RAB5A: variants seen among roughly 807,000 people sequenced by gnomAD.
RAB5A encodes RAB5A, member RAS oncogene family.
RAB5A carries 8 observed loss-of-function variants against 25.7 expected under a neutral mutation model. The ratio of observed to expected loss-of-function variants is 0.31; its 90% confidence interval spans 0.18 to 0.56. The LOEUF is 0.56. RAB5A is among the 20% of genes least tolerant of loss of function. The pLI, the probability that RAB5A is intolerant of heterozygous loss-of-function variation, is 0.91. For missense variants in RAB5A, 192 were observed against 259.7 expected (o/e 0.74, Z 1.79); for synonymous variants, 98 against 89.8 (o/e 1.09, Z -0.52).
intron 2 of RAB5A, among the ~76,000 whole-genome samples, chr3:19,969,356 T>G (rs2125188292): frequency 6.6e-6 from 1 of 152,286 alleles, no homozygotes. Context: ...TTTTTATTTT[T>G]TCATTATGCT....
At chr3:19,982,982 A>AG (rs1696960434) in intron 5 of RAB5A, among the ~76,000 whole-genome samples, 1 of 152,126 alleles carries the variant, frequency 6.6e-6, no homozygotes, top group Non-Finnish European at 1.5e-5. Flanking sequence ...ATATGAGCTG[A>AG]GCTTCTTTAT....
At chr3:19,974,783 T>G (rs928725657) in intron 2 of RAB5A, among the ~76,000 whole-genome samples, 5 of 151,608 alleles carry the variant, frequency 3.3e-5, no homozygotes, top group Admixed American at 2.6e-4. Flanking sequence ...TGACTGGGAC[T>G]AAATTGCCAG....
intron 2 of RAB5A, among the ~76,000 whole-genome samples, chr3:19,963,089 A>C (rs892024455): frequency 6.6e-6 from 1 of 152,126 alleles, no homozygotes; most frequent in Non-Finnish European, 1.5e-5. Context: ...GATTAAAGGC[A>C]TGAGCCACCA....
intron 2 of RAB5A, among the ~76,000 whole-genome samples, chr3:19,971,405 G>T (rs1033963421): frequency 8.6e-5 from 6 of 69,622 alleles, no homozygotes; most frequent in Non-Finnish European, 2.2e-4. Context: ...TCTAATGTTG[G>T]TCTTTTCTCC....
chr3:19,973,304 TGAATGTTTTTAGTACTAGTA>T (rs1273051377), intron 2 of RAB5A, among the ~76,000 whole-genome samples: 1 of 152,066 alleles, frequency 6.6e-6, no homozygotes, highest in African/African-American at 2.4e-5. Flanking sequence ...GACGTATAAG[TGAATGTTTTTAGTACTAGTA>T]GACTTTGTGA....
chr3:19,958,458 G>C (rs1255752287), intron 2 of RAB5A, among the ~76,000 whole-genome samples: 1 of 152,196 alleles, frequency 6.6e-6, no homozygotes, highest in Non-Finnish European at 1.5e-5. Flanking sequence ...CTGGGAGTCA[G>C]TATGCATGGT....
At chr3:19,952,160 C>G (rs1696433745) in intron 2 of RAB5A, among the ~76,000 whole-genome samples, 1 of 152,058 alleles carries the variant, frequency 6.6e-6, no homozygotes, top group South Asian at 2.1e-4. Context: ...GCCTGGGCAA[C>G]ATAATGAGAA....
chr3:19,966,363 C>T (rs978227149), intron 2 of RAB5A, among the ~76,000 whole-genome samples: 1 of 152,210 alleles, frequency 6.6e-6, no homozygotes, highest in African/African-American at 2.4e-5. Flanking sequence ...AAGCAAGTGC[C>T]AGAATTTTCC....
intron 2 of RAB5A, among the ~76,000 whole-genome samples, chr3:19,960,515 G>T (rs1289403906): frequency 6.6e-6 from 1 of 152,134 alleles, no homozygotes; most frequent in Non-Finnish European, 1.5e-5. Flanking sequence ...TTCCCAGGCT[G>T]GTCGCGAACT....
At chr3:19,964,694 A>G (rs1696636041) in intron 2 of RAB5A, among the ~76,000 whole-genome samples, 1 of 151,998 alleles carries the variant, frequency 6.6e-6, no homozygotes, top group Admixed American at 6.6e-5. Context: ...GCTCACTGCA[A>G]CCTCTGCCTC....
intron 2 of RAB5A, among the ~76,000 whole-genome samples, chr3:19,971,455 C>CGGTGGT (rs563319679): frequency 6.6e-5 from 10 of 151,636 alleles, no homozygotes; most frequent in Admixed American, 2.0e-4. Context: ...AACAGTAGTA[C>CGGTGGT]GGTGGTGGTG....
Position 19,984,203 on chromosome 3 carries a change from C to A in RAB5A, c.*380C>A. 1 of 420,046 alleles carries A rather than the reference C, an allele frequency of 2.4e-6. No individual in the cohort carries two copies. Among genetic ancestry groups the A allele is most frequent in the Admixed American group, 3.3e-5 (1 of 30,252 alleles). The allele number at this position is 420,046 out of a possible 1,614,324, so 26.0% of individuals were successfully genotyped here. On this transcript the variant is annotated 3_prime_UTR_variant, in exon 6 of 6. Coordinates refer to ENST00000273047, the MANE Select transcript of RAB5A (RefSeq NM_004162.5). ...AAAAATTGGAACTTACTAATTTGGG[C>A]TTTTCAAAAACATTCTTTGTTTAGA... is the stretch of plus-strand genomic sequence containing the variant.
chr3:19,983,485 A>G (rs997961517), intron 5 of RAB5A, among the ~76,000 whole-genome samples: 1 of 152,134 alleles, frequency 6.6e-6, no homozygotes, highest in Admixed American at 6.6e-5. Flanking sequence ...ACCAGTCCCC[A>G]TCTACCGTTC....
At chr3:19,973,936 G>T (rs556613754) in intron 2 of RAB5A, among the ~76,000 whole-genome samples, 6 of 152,092 alleles carry the variant, frequency 3.9e-5, no homozygotes, top group African/African-American at 1.4e-4. Context: ...GTAATTTAGA[G>T]AAATATATCA....
chr3:19,962,328 G>T (rs987939722), intron 2 of RAB5A, among the ~76,000 whole-genome samples: 1 of 152,152 alleles, frequency 6.6e-6, no homozygotes, highest in Non-Finnish European at 1.5e-5. Context: ...CCAGCACTTT[G>T]GGAGACTGAG....
At chr3:19,951,660 A>G (rs1696423983) in intron 2 of RAB5A, among the ~76,000 whole-genome samples, 1 of 147,796 alleles carries the variant, frequency 6.8e-6, no homozygotes, top group Non-Finnish European at 1.5e-5. Context: ...GCCTCCCACC[A>G]AGTAGTTGGA....
chr3:19,983,808 G>C lies in RAB5A; in HGVS notation c.633G>C (p.Gln211His), dbSNP rs764684048. ...AACCCACACAACCAACCAGGAATCA[G>C]TGTTGTAGTAACTAAACCTCTAGTT... is the stretch of plus-strand genomic sequence containing the variant. ...LTEPTQPTRNQCCSN is the reference protein window; with the variant it reads ...LTEPTQPTRNHCCSN The change falls in exon 6 of 6, where the codon CAG becomes CAC. Residue 211 changes from glutamine to histidine, a missense_variant. This residue lies in a region of RAB5A where 121 missense variants were observed against 135.7 expected (regional missense o/e 0.89). Transcript: ENST00000273047. The C allele has an allele frequency of 3.1e-6, 5 of 1,603,156 alleles. No individual in the cohort carries two copies. The highest frequency in any genetic ancestry group is 4.3e-6 in the Non-Finnish European group (5 of 1,170,994).
At chr3:19,970,399 G>A in intron 2 of RAB5A, 2 of 370,592 alleles carry the variant, frequency 5.4e-6, no homozygotes, top group Non-Finnish European at 1.1e-5. Flanking sequence ...AAAGTAATTT[G>A]TAGTTTTGCT....
chr3:19,950,397 A>G (rs1418759718), intron 1 of RAB5A, among the ~76,000 whole-genome samples: 1 of 152,204 alleles, frequency 6.6e-6, no homozygotes, highest in African/African-American at 2.4e-5. Context: ...TGGCTACAGA[A>G]CTTGAACTCG....
Sources: gnomAD v4.1 joint callset for allele counts (sites outside exome capture counted in the v4.1 genomes callset) on GRCh38, gnomAD v4.1.1 for gene constraint, gnomAD v4.1.1 regional missense constraint, MANE v1.5 for transcripts, NCBI Gene and HGNC (gene_info 2026-07-23, HGNC 2026-07-21) for gene names.